Variants in TCEA3 observed in about 807,000 individuals in gnomAD.
TCEA3 encodes transcription elongation factor A3, also known as transcription elongation factor A protein 3.
A neutral mutation model predicts 44.0 loss-of-function variants in TCEA3; 36 were observed. That is an observed-to-expected ratio of 0.82 (90% CI 0.63 to 1.08). TCEA3 has a LOEUF of 1.08. TCEA3 is among the 50% of genes least tolerant of loss of function. The probability of loss-of-function intolerance (pLI) is 0.00; values close to 1 mark genes in which losing one functional copy is unlikely to be tolerated. For synonymous variants in TCEA3, 162 were observed against 159.7 expected (o/e 1.01, Z -0.11); for missense variants, 392 against 441.2 (o/e 0.89, Z 1.00).
intron 5 of TCEA3, among the ~76,000 whole-genome samples, chr1:23,405,381 G>T (rs530334487): frequency 1.2e-4 from 18 of 152,202 alleles, no homozygotes; most frequent in South Asian, 6.2e-4. Context: ...TGGATCACAA[G>T]GTCAAGAGAT....
At chr1:23,409,947 T>C (rs1014758715) in intron 4 of TCEA3, among the ~76,000 whole-genome samples, 9 of 152,166 alleles carry the variant, frequency 5.9e-5, no homozygotes, top group Middle Eastern at 3.4e-3. Context: ...TGGTGAACAT[T>C]GTCTGTGCTC....
chr1:23,399,548 A>G (rs1456153269), intron 5 of TCEA3, among the ~76,000 whole-genome samples: 6 of 152,018 alleles, frequency 3.9e-5, no homozygotes, highest in Admixed American at 2.0e-4. Context: ...CCATAATACC[A>G]TGTTAATAGC....
chr1:23,381,305 C>T lies in TCEA3; in HGVS notation c.*161G>A, dbSNP rs138848408. 4.0e-5 allele frequency: 26 copies of T among 645,258 alleles called. No individual in the cohort carries two copies. In the Middle Eastern group the frequency reaches 7.6e-4, roughly 19 times the overall value. The allele number at this position is 645,258 out of a possible 1,614,324, so 40.0% of individuals were successfully genotyped here. ...CCATTAACCAATTGTTTCTAATGAC[C>T]GATTATTAATTTGCAAGAGAATTCT... On this transcript the variant is annotated 3_prime_UTR_variant, in exon 11 of 11. Transcript: ENST00000450454.
intron 8 of TCEA3, among the ~76,000 whole-genome samples, chr1:23,389,568 T>C (rs1453721903): frequency 6.6e-6 from 1 of 151,870 alleles, no homozygotes; most frequent in Non-Finnish European, 1.5e-5. Flanking sequence ...GAGAATCGCT[T>C]GAACCTGGGA....
chr1:23,384,400 A>G lies in TCEA3; in HGVS notation c.984T>C (p.Ala328=), dbSNP rs1482790877. 2 of 1,613,548 alleles carry G rather than the reference A, an allele frequency of 1.2e-6. No individual in the cohort carries two copies. Among genetic ancestry groups the G allele is most frequent in the South Asian group, 1.1e-5 (1 of 90,908 alleles). ...AGACAAAGGTAGTCATGGGCTCATCAGCACTGCGTGTCTGCACCTGAGAGA... is the reference window on the plus strand; with the variant it reads ...AGACAAAGGTAGTCATGGGCTCATCGGCACTGCGTGTCTGCACCTGAGAGA... ...CTYNQVQTRS[A]DEPMTTFVLC... The change falls in exon 10 of 11, where the codon GCT becomes GCC. Residue 328 remains alanine, a synonymous_variant. Coordinates refer to ENST00000450454, the MANE Select transcript of TCEA3 (RefSeq NM_003196.3).
chr1:23,399,958 G>A (rs544037962), intron 5 of TCEA3, among the ~76,000 whole-genome samples: 3 of 152,220 alleles, frequency 2.0e-5, no homozygotes, highest in African/African-American at 7.2e-5. Context: ...TTACAGGCAT[G>A]AGCTACTGTG....
intron 5 of TCEA3, 23 bp from the exon 6 acceptor site, chr1:23,397,978 G>A (rs367679524): frequency 2.5e-6 from 4 of 1,611,868 alleles, no homozygotes; most frequent in Non-Finnish European, 2.5e-6. Context: ...ATAAGTAACA[G>A]ACATTTGACA....
In TCEA3 at chr1:23,424,643, C is replaced by G; in HGVS notation, c.-10G>C. On this transcript the variant is annotated 5_prime_UTR_variant, in exon 1 of 11. Transcript: ENST00000450454. Reference sequence around the variant, plus strand: ...CCTCTTCCTGGCCCATGTTGGCCCGCGACGCCCGGCGGGGCGAGGGGCACA... The same window carrying G: ...CCTCTTCCTGGCCCATGTTGGCCCGGGACGCCCGGCGGGGCGAGGGGCACA... 6.2e-7 allele frequency: 1 copy of G among 1,604,340 alleles called. No homozygotes were observed. Among genetic ancestry groups the G allele is most frequent in the Non-Finnish European group, 8.5e-7 (1 of 1,178,176 alleles).
intron 4 of TCEA3, chr1:23,412,115 G>A (rs527973190): frequency 2.6e-5 from 4 of 152,308 alleles, no homozygotes; most frequent in Admixed American, 2.0e-4. Context: ...GCTGATAGTA[G>A]GATATTTCTG....
intron 8 of TCEA3, 38 bp from the exon 9 acceptor site, chr1:23,387,457 T>G: frequency 6.4e-7 from 1 of 1,555,540 alleles, no homozygotes; most frequent in Non-Finnish European, 8.7e-7. Context: ...GGCTGAGGAG[T>G]TTCAGGGGCC....
chr1:23,411,709 TG>T (rs1639710924), intron 4 of TCEA3, among the ~76,000 whole-genome samples: 1 of 152,142 alleles, frequency 6.6e-6, no homozygotes. Flanking sequence ...GCCAAAGGAA[TG>T]GGCTCCAGAC....
chr1:23,394,606 G>A lies in TCEA3; in HGVS notation c.665-573C>T, dbSNP rs578137402. Among the ~76,000 whole-genome samples the A allele has an allele frequency of 3.3e-5, 5 of 152,302 alleles. No individual in the cohort carries two copies. In the South Asian group the frequency reaches 8.3e-4, roughly 25 times the overall value. On this transcript the variant is annotated intron_variant, in intron 7 of 10. Transcript: ENST00000450454. Reference sequence around the variant, plus strand: ...GAAACCACTGAGCTTTGTTTAATCTGGTGTTCCCAATAAATTTGATTATAG... The same window carrying A: ...GAAACCACTGAGCTTTGTTTAATCTAGTGTTCCCAATAAATTTGATTATAG...
chr1:23,407,895 A>G (rs1639588118), intron 5 of TCEA3, among the ~76,000 whole-genome samples: 1 of 152,222 alleles, frequency 6.6e-6, no homozygotes, highest in South Asian at 2.1e-4. Context: ...GCCCAAATCC[A>G]GAGAGAGCCC....
In TCEA3 at chr1:23,387,350, T is replaced by C. The variant is rs1403831775; in HGVS notation, c.889A>G (p.Met297Val). The part of the protein sequence containing the change: ...MTQEAIREHQ[M>V]AKTGGTTTDL... ...GTGGTGGTGCCGCCAGTCTTGGCCATCTGGTGCTCACGGATGGCCTCCTGG... is the reference window on the plus strand; with the variant it reads ...GTGGTGGTGCCGCCAGTCTTGGCCACCTGGTGCTCACGGATGGCCTCCTGG... Residue 297 changes from methionine to valine, a missense_variant, in exon 9 of 11, where the codon ATG becomes GTG. Transcript: ENST00000450454. The C allele has an allele frequency of 5.0e-6, 8 of 1,613,632 alleles. No homozygotes were observed. The highest frequency in any genetic ancestry group is 2.2e-5 in the East Asian group (1 of 44,886).
chr1:23,418,705 G>A (rs1304876650), intron 2 of TCEA3, among the ~76,000 whole-genome samples: 1 of 152,160 alleles, frequency 6.6e-6, no homozygotes, highest in East Asian at 1.9e-4. Flanking sequence ...AGGGCCAGGA[G>A]CTTTTGGTAA....
rs773147239 is a variant in TCEA3, at chr1:23,387,312, C to G, written c.927G>C (p.Gln309His). 2 of 1,614,006 alleles carry G rather than the reference C, an allele frequency of 1.2e-6. No homozygotes were observed. The highest frequency in any genetic ancestry group is 4.5e-5 in the East Asian group (2 of 44,884). ...KTGGTTTDLFQCSKCKKKNCT... is the reference protein window; with the variant it reads ...KTGGTTTDLFHCSKCKKKNCT... ...AGTTCTTCTTCTTGCATTTGCTGCACTGGAAGAGGTCAGTGGTGGTGCCGC... is the reference window on the plus strand; with the variant it reads ...AGTTCTTCTTCTTGCATTTGCTGCAGTGGAAGAGGTCAGTGGTGGTGCCGC... Residue 309 changes from glutamine to histidine, a missense_variant, in exon 9 of 11, where the codon CAG (glutamine) becomes CAC (histidine). Physicochemically the swap from Gln to His is conservative, Grantham distance 24. Transcript: ENST00000450454.
intron 8 of TCEA3, among the ~76,000 whole-genome samples, chr1:23,391,273 C>T (rs79933896): frequency 0.036 from 5,413 of 151,104 alleles, 335 homozygotes; most frequent in South Asian, 0.24. Flanking sequence ...CCACCACGCC[C>T]GGCTAATTTT....
chr1:23,393,791 G>A, intron 8 of TCEA3, 88 bp downstream of exon 8: 1 of 1,497,666 alleles, frequency 6.7e-7, no homozygotes, highest in Non-Finnish European at 8.9e-7. Context: ...GCTCACTGCT[G>A]ATGAGTCACG....
chr1:23,386,942 A>G (rs1414379788), intron 9 of TCEA3, among the ~76,000 whole-genome samples: 3 of 151,972 alleles, frequency 2.0e-5, no homozygotes, highest in African/African-American at 7.3e-5. Context: ...GGATGGTCTC[A>G]ATCTCCTGAC....
Sources: allele counts gnomAD v4.1 joint callset (sites outside exome capture counted in the v4.1 genomes callset), GRCh38; gene constraint gnomAD v4.1.1; transcripts MANE v1.5; gene names NCBI Gene and HGNC (gene_info 2026-07-23, HGNC 2026-07-21).